The following MACROD2 variants were observed in gnomAD, a reference collection of about 807,000 sequenced individuals.
The protein encoded by MACROD2 is mono-ADP ribosylhydrolase 2, also known as ADP-ribose glycohydrolase MACROD2.
Under a neutral mutation model 70.4 loss-of-function variants are expected in MACROD2, and 36 were observed. That is an observed-to-expected ratio of 0.51 (90% CI 0.39 to 0.68). The LOEUF is 0.68. MACROD2 is among the 30% of genes least tolerant of loss of function. The probability of loss-of-function intolerance (pLI) is 0.00; values close to 1 mark genes in which losing one functional copy is unlikely to be tolerated. For missense variants in MACROD2, 496 were observed against 538.4 expected (o/e 0.92, Z 0.78); for synonymous variants, 172 against 178.8 (o/e 0.96, Z 0.30).
At chr20:14,466,097 G>A (rs2084443989) in intron 3 of MACROD2, among the ~76,000 whole-genome samples, 1 of 152,112 alleles carries the variant, frequency 6.6e-6, no homozygotes, top group South Asian at 2.1e-4. Flanking sequence ...CTAGATTGGG[G>A]AAGTTCTCCT....
intron 4 of MACROD2, among the ~76,000 whole-genome samples, chr20:14,615,985 G>A (rs1165568144): frequency 6.6e-6 from 1 of 152,124 alleles, no homozygotes; most frequent in Non-Finnish European, 1.5e-5. Context: ...GAGGCACAGT[G>A]ATAGAGAAGA....
At chr20:14,271,369 T>A (rs1055910469) in intron 3 of MACROD2, among the ~76,000 whole-genome samples, 1 of 152,210 alleles carries the variant, frequency 6.6e-6, no homozygotes, top group African/African-American at 2.4e-5. Context: ...CCGCTGCTGA[T>A]ACCCAGACAA....
At chr20:15,769,286 T>C (rs2051582530) in intron 8 of MACROD2, among the ~76,000 whole-genome samples, 1 of 152,112 alleles carries the variant, frequency 6.6e-6, no homozygotes, top group Non-Finnish European at 1.5e-5. Flanking sequence ...TAGCTGGAAT[T>C]ACAGGCGTGC....
chr20:14,077,051 T>C (rs2053924574), intron 2 of MACROD2, among the ~76,000 whole-genome samples: 1 of 152,202 alleles, frequency 6.6e-6, no homozygotes, highest in Non-Finnish European at 1.5e-5. Flanking sequence ...GTTGTAGAAA[T>C]CGTTAACAGG....
chr20:14,395,089 G>T (rs187998491), intron 3 of MACROD2, among the ~76,000 whole-genome samples: 1 of 152,056 alleles, frequency 6.6e-6, no homozygotes, highest in East Asian at 1.9e-4. Flanking sequence ...GAGCAATGTT[G>T]ATCTCATAGG....
At chr20:14,881,279 G>T (rs2073608154) in intron 5 of MACROD2, among the ~76,000 whole-genome samples, 1 of 149,036 alleles carries the variant, frequency 6.7e-6, no homozygotes, top group Non-Finnish European at 1.5e-5. Context: ...TGGTGGGCTT[G>T]ACCATACTAG....
intron 8 of MACROD2, among the ~76,000 whole-genome samples, chr20:15,772,101 A>AAAAAAAAAAAAAATATAT (rs1555777716): frequency 8.2e-4 from 75 of 91,392 alleles, no homozygotes; most frequent in Non-Finnish European, 1.2e-3. Flanking sequence ...AAAAAAAAAA[A>AAAAAAAAAAAAAATATAT]ATATATATAT....
chr20:15,066,218 G>A (rs756153060), intron 5 of MACROD2, among the ~76,000 whole-genome samples: 17 of 151,294 alleles, frequency 1.1e-4, no homozygotes, highest in Non-Finnish European at 2.2e-4. Flanking sequence ...TGCAACTTCC[G>A]CCTCCTGGGT....
At chr20:14,582,845 T>C (rs1336588683) in intron 4 of MACROD2, among the ~76,000 whole-genome samples, 1 of 152,138 alleles carries the variant, frequency 6.6e-6, no homozygotes, top group Non-Finnish European at 1.5e-5. Context: ...TGCCATGAGA[T>C]ACTCATATAA....
intron 8 of MACROD2, among the ~76,000 whole-genome samples, chr20:15,756,713 A>C (rs1376921525): frequency 2.0e-5 from 3 of 152,184 alleles, no homozygotes; most frequent in African/African-American, 7.2e-5. Flanking sequence ...GGGGAAGGAA[A>C]AACCTGCAAC....
chr20:15,612,134 A>G (rs1386428928), intron 8 of MACROD2, among the ~76,000 whole-genome samples: 3 of 151,976 alleles, frequency 2.0e-5, no homozygotes, highest in Non-Finnish European at 4.4e-5. Flanking sequence ...ACCTTAGTAA[A>G]TAAAACCCGT....
At chr20:14,426,188 A>G (rs1470359614) in intron 3 of MACROD2, among the ~76,000 whole-genome samples, 1 of 152,092 alleles carries the variant, frequency 6.6e-6, no homozygotes, top group Admixed American at 6.5e-5. Flanking sequence ...AATTTATACA[A>G]TTTGATGTTG....
At chr20:14,551,474 T>A (rs1978649619) in intron 4 of MACROD2, among the ~76,000 whole-genome samples, 1 of 152,220 alleles carries the variant, frequency 6.6e-6, no homozygotes, top group South Asian at 2.1e-4. Context: ...TCATAATTTC[T>A]GACATAGTAA....
chr20:14,093,497 A>G (rs1747835842), intron 3 of MACROD2, among the ~76,000 whole-genome samples: 1 of 152,172 alleles, frequency 6.6e-6, no homozygotes, highest in African/African-American at 2.4e-5. Context: ...ACAAAGCAGT[A>G]TTTTTGTAGA....
intron 4 of MACROD2, among the ~76,000 whole-genome samples, chr20:14,680,546 A>ACTTCTAAGATAATAGAAT (rs1399977636): frequency 6.6e-6 from 1 of 152,180 alleles, no homozygotes; most frequent in Non-Finnish European, 1.5e-5. Flanking sequence ...GCTAGAACAA[A>ACTTCTAAGATAATAGAAT]CTTCTAAGAT....
chr20:15,123,908 G>A (rs1307364881), intron 5 of MACROD2, among the ~76,000 whole-genome samples: 1 of 152,066 alleles, frequency 6.6e-6, no homozygotes, highest in Non-Finnish European at 1.5e-5. Flanking sequence ...GTGCTTTCCT[G>A]TGTTCCTAAA....
At chr20:14,266,200 T>A (rs1054050034) in intron 3 of MACROD2, among the ~76,000 whole-genome samples, 2 of 152,210 alleles carry the variant, frequency 1.3e-5, no homozygotes, top group African/African-American at 4.8e-5. Context: ...GGCCTAACTC[T>A]TTTGTTAAGT....
chr20:14,652,730 A>C (rs1341652326), intron 4 of MACROD2, among the ~76,000 whole-genome samples: 1 of 152,182 alleles, frequency 6.6e-6, no homozygotes, highest in Non-Finnish European at 1.5e-5. Flanking sequence ...ATATATAATT[A>C]AGGAAAATAG....
chr20:15,157,359 ACCTCCCCCCC>A (rs2076315169), intron 5 of MACROD2, among the ~76,000 whole-genome samples: 1 of 115,306 alleles, frequency 8.7e-6, no homozygotes, highest in African/African-American at 3.3e-5. Context: ...ACCCCCCCCC[ACCTCCCCCCC>A]CCCCGGCCAC....
Sources: allele counts gnomAD v4.1 joint callset (sites outside exome capture counted in the v4.1 genomes callset), GRCh38; gene constraint gnomAD v4.1.1; transcripts MANE v1.5; gene names NCBI Gene and HGNC (gene_info 2026-07-23, HGNC 2026-07-21).